CHODL: variants seen among roughly 807,000 people sequenced by gnomAD.
The protein encoded by CHODL is transmembrane protein MT75.
Under a neutral mutation model 34.5 loss-of-function variants are expected in CHODL, and 29 were observed. That is an observed-to-expected ratio of 0.84 (90% CI 0.63 to 1.15). The LOEUF (loss-of-function observed/expected upper bound fraction) is 1.15. CHODL is among the 50% of genes most tolerant of loss of function. The pLI, the probability that CHODL is intolerant of heterozygous loss-of-function variation, is 0.00. For synonymous variants in CHODL, 125 were observed against 116.1 expected (o/e 1.08, Z -0.49); for missense variants, 332 against 332.5 (o/e 1.00, Z 0.01).
intron 1 of CHODL, among the ~76,000 whole-genome samples, chr21:17,963,350 T>C (rs1447299367): frequency 1.3e-5 from 2 of 152,206 alleles, no homozygotes; most frequent in Non-Finnish European, 1.5e-5. Flanking sequence ...ATTGTCCATT[T>C]TCGTACTGCT....
chr21:18,232,941 T>TTTTATATATATATATATATATATATATA (rs752640406), intron 2 of CHODL, among the ~76,000 whole-genome samples: 18 of 97,598 alleles, frequency 1.8e-4, no homozygotes, highest in Middle Eastern at 4.7e-3. Flanking sequence ...CATGATGTTA[T>TTTTATATATATATATATATATATATATA]GATATATATA....
intron 2 of CHODL, among the ~76,000 whole-genome samples, chr21:18,098,417 T>G (rs1439930614): frequency 6.6e-6 from 1 of 152,022 alleles, no homozygotes; most frequent in Non-Finnish European, 1.5e-5. Flanking sequence ...TAGAAATTTT[T>G]CAAAAAAAGA....
intron 2 of CHODL, among the ~76,000 whole-genome samples, chr21:18,202,765 G>T (rs979135412): frequency 6.6e-6 from 1 of 152,156 alleles, no homozygotes; most frequent in Non-Finnish European, 1.5e-5. Flanking sequence ...CAAATGAACT[G>T]AAGACAATGG....
intron 2 of CHODL, among the ~76,000 whole-genome samples, chr21:18,224,554 C>A (rs1360433876): frequency 3.3e-5 from 5 of 152,150 alleles, no homozygotes; most frequent in African/African-American, 1.2e-4. Flanking sequence ...CCACCAGAAG[C>A]CTTGACACTA....
intron 1 of CHODL, among the ~76,000 whole-genome samples, chr21:18,024,991 C>T (rs2064160728): frequency 6.6e-6 from 1 of 152,100 alleles, no homozygotes; most frequent in Non-Finnish European, 1.5e-5. Flanking sequence ...ACCTGCTTGA[C>T]CTAGCCTGCA....
chr21:18,128,306 A>G, intron 2 of CHODL, among the ~76,000 whole-genome samples: 1 of 16,614 alleles, frequency 6.0e-5, no homozygotes, highest in African/African-American at 4.3e-4. Context: ...CAAAAAAAAA[A>G]AAAAAAAAAA....
intron 2 of CHODL, among the ~76,000 whole-genome samples, chr21:18,235,064 A>C (rs1035210958): frequency 2.6e-5 from 4 of 152,236 alleles, no homozygotes; most frequent in South Asian, 4.1e-4. Context: ...AGAGAAAATT[A>C]TGGAGGTGCC....
chr21:17,963,063 CAAAA>C (rs752553578), intron 1 of CHODL, among the ~76,000 whole-genome samples: 237 of 136,506 alleles, frequency 1.7e-3, no homozygotes, highest in East Asian at 4.5e-3. Context: ...GACTATGTCT[CAAAA>C]AAAAAAAATA....
chr21:17,996,650 C>T (rs190920133), intron 1 of CHODL, among the ~76,000 whole-genome samples: 2 of 152,254 alleles, frequency 1.3e-5, no homozygotes, highest in African/African-American at 4.8e-5. Context: ...GTATTTTTGC[C>T]AAGCTGCCAA....
chr21:18,107,461 C>A (rs535071946), intron 2 of CHODL, among the ~76,000 whole-genome samples: 1 of 152,214 alleles, frequency 6.6e-6, no homozygotes, highest in Non-Finnish European at 1.5e-5. Context: ...TCAGTGGCAA[C>A]TATACCAGGC....
At chr21:18,230,193 TA>T (rs1349859793) in intron 2 of CHODL, among the ~76,000 whole-genome samples, 2 of 152,122 alleles carry the variant, frequency 1.3e-5, no homozygotes, top group African/African-American at 4.8e-5. Flanking sequence ...AGGGTCCTCT[TA>T]GTCCTGGCTC....
At chr21:18,035,864 T>A (rs73891125) in intron 2 of CHODL, among the ~76,000 whole-genome samples, 5,855 of 152,090 alleles carry the variant, frequency 0.038, 290 homozygotes, top group East Asian at 0.16. Flanking sequence ...AATTATGGTG[T>A]GTATTAATGT....
At chr21:18,104,196 A>C (rs1263100373) in intron 2 of CHODL, among the ~76,000 whole-genome samples, 1 of 152,186 alleles carries the variant, frequency 6.6e-6, no homozygotes, top group Non-Finnish European at 1.5e-5. Context: ...TGGTATGGTT[A>C]GGCTTTGTGT....
chr21:18,005,917 G>C (rs1360915508), intron 1 of CHODL, among the ~76,000 whole-genome samples: 2 of 152,122 alleles, frequency 1.3e-5, no homozygotes, highest in Non-Finnish European at 2.9e-5. Flanking sequence ...ATCTCATCTT[G>C]AATTGTAACT....
Position 18,053,907 on chromosome 21 carries a change from CAT to C in CHODL, c.-45+25939_-45+25940del, listed in dbSNP as rs777311714. On this transcript the variant is annotated intron_variant, in intron 2 of 6. Coordinates refer to the CHODL transcript ENST00000400127. ...AACATATATAGTATGTGTGATATGA[CAT>C]ATGATATATGACATAAATGTGTATA... Among the ~76,000 whole-genome samples, 13 of 150,840 alleles carry C rather than the reference CAT, an allele frequency of 8.6e-5. 1 individual carries two copies. The highest frequency in any genetic ancestry group is 2.0e-4 in the Admixed American group (3 of 15,028).
intron 2 of CHODL, among the ~76,000 whole-genome samples, chr21:18,231,300 C>G (rs763283151): frequency 6.6e-6 from 1 of 152,154 alleles, no homozygotes; most frequent in Non-Finnish European, 1.5e-5. Flanking sequence ...TGACACTGCT[C>G]AGAGAGTGTC....
chr21:18,214,296 C>G (rs774903048), intron 2 of CHODL, among the ~76,000 whole-genome samples: 1 of 152,078 alleles, frequency 6.6e-6, no homozygotes, highest in Admixed American at 6.6e-5. Flanking sequence ...ATCACACCTT[C>G]CTCTGACCTT....
chr21:18,203,352 A>T (rs1358764969), intron 2 of CHODL, among the ~76,000 whole-genome samples: 1 of 152,184 alleles, frequency 6.6e-6, no homozygotes, highest in Non-Finnish European at 1.5e-5. Context: ...TGCAGTATTC[A>T]TAAGTGATTA....
chr21:17,922,034 C>T (rs1465974329), intron 1 of CHODL, among the ~76,000 whole-genome samples: 1 of 152,098 alleles, frequency 6.6e-6, no homozygotes. Flanking sequence ...TTCTTATTTA[C>T]AGTTAAGTTC....
Sources: allele counts gnomAD v4.1 joint callset (sites outside exome capture counted in the v4.1 genomes callset), GRCh38; gene constraint gnomAD v4.1.1; transcripts MANE v1.5; gene names NCBI Gene and HGNC (gene_info 2026-07-23, HGNC 2026-07-21).